Variants in TNKS observed in about 807,000 individuals in gnomAD.
TNKS encodes the protein poly [ADP-ribose] polymerase tankyrase-1.
In TNKS, 72 loss-of-function variants were observed where a neutral mutation model predicts 135.8. The ratio of observed to expected loss-of-function variants is 0.53; its 90% CI spans 0.44 to 0.64. The LOEUF is 0.64. TNKS is among the 30% of genes least tolerant of loss of function. The pLI is 0.00. For synonymous variants in TNKS, 849 were observed against 649.3 expected, an observed-to-expected ratio of 1.31 and a Z score of -4.68; for missense variants, 1,769 against 1,674.0, an observed-to-expected ratio of 1.06 and a Z score of -0.99.
At chr8:9,701,217 G>A (rs1175020892) in intron 5 of TNKS, among the ~76,000 whole-genome samples, 17 of 152,284 alleles carry the variant, frequency 1.1e-4, no homozygotes, top group African/African-American at 4.1e-4. Context: ...GATTACAGGC[G>A]TGAGCCACCA....
At chr8:9,733,148 G>T in intron 14 of TNKS, 131 bp from the exon 15 acceptor site, 1 of 633,146 alleles carries the variant, frequency 1.6e-6, no homozygotes, top group South Asian at 3.9e-5. Flanking sequence ...AAGAACAGAG[G>T]TGGGTGTATT....
intron 2 of TNKS, among the ~76,000 whole-genome samples, chr8:9,592,003 C>G (rs1400619385): frequency 6.6e-6 from 1 of 152,166 alleles, no homozygotes; most frequent in Non-Finnish European, 1.5e-5. Flanking sequence ...AAAGAATCAG[C>G]TATTTCATGT....
chr8:9,610,071 G>T (rs182281074), intron 2 of TNKS, among the ~76,000 whole-genome samples: 6 of 152,050 alleles, frequency 3.9e-5, no homozygotes, highest in Admixed American at 2.6e-4. Context: ...GTTAGCCAGG[G>T]TGGTCTTGAT....
intron 26 of TNKS, among the ~76,000 whole-genome samples, chr8:9,771,448 A>C: frequency 1.2e-5 from 1 of 81,872 alleles, no homozygotes; most frequent in East Asian, 4.1e-4. Flanking sequence ...GGAAAGGAAA[A>C]GAGAGAGAAG....
intron 3 of TNKS, among the ~76,000 whole-genome samples, chr8:9,616,151 C>G (rs139765672): frequency 1.8e-3 from 267 of 152,262 alleles, no homozygotes; most frequent in African/African-American, 5.8e-3. Flanking sequence ...TATGTTTTCA[C>G]TTTTACCATG....
intron 2 of TNKS, among the ~76,000 whole-genome samples, chr8:9,596,342 A>C (rs1003472350): frequency 1.1e-4 from 17 of 151,768 alleles, no homozygotes; most frequent in African/African-American, 4.1e-4. Flanking sequence ...AGGTAGGTCC[A>C]TATTTGAGAT....
chr8:9,761,370 A>G (rs1431931855), intron 20 of TNKS, 146 bp from the exon 21 acceptor site: 1 of 804,220 alleles, frequency 1.2e-6, no homozygotes, highest in Admixed American at 3.4e-5. Context: ...GACAACTTTA[A>G]AAAAATTGTA....
intron 3 of TNKS, among the ~76,000 whole-genome samples, chr8:9,666,401 AAG>A (rs1374796220): frequency 2.6e-5 from 4 of 152,232 alleles, no homozygotes; most frequent in African/African-American, 9.6e-5. Context: ...TGCAAAGGAA[AAG>A]AGAGAAATAA....
chr8:9,717,796 G>A (rs1321261803), intron 11 of TNKS, among the ~76,000 whole-genome samples: 2 of 152,118 alleles, frequency 1.3e-5, no homozygotes, highest in Admixed American at 1.3e-4. Context: ...TATATAATAA[G>A]AGAAGTATAG....
At chr8:9,773,295 ACATATT>A (rs1169425945) in intron 26 of TNKS, among the ~76,000 whole-genome samples, 1 of 151,920 alleles carries the variant, frequency 6.6e-6, no homozygotes, top group African/African-American at 2.4e-5. Context: ...TGTTAAATAA[ACATATT>A]CATATGTCTG....
chr8:9,660,992 A>G (rs1226248079), intron 3 of TNKS, among the ~76,000 whole-genome samples: 1 of 147,960 alleles, frequency 6.8e-6, no homozygotes, highest in Non-Finnish European at 1.5e-5. Context: ...AGTTGCTTCA[A>G]AAAGAATAAA....
chr8:9,653,563 C>T (rs754305938), intron 3 of TNKS, among the ~76,000 whole-genome samples: 4 of 151,834 alleles, frequency 2.6e-5, no homozygotes, highest in Admixed American at 6.6e-5. Context: ...GCATGAGAGG[C>T]AACCACACTT....
At chr8:9,565,620 G>C (rs779052160) in intron 1 of TNKS, among the ~76,000 whole-genome samples, 1 of 152,106 alleles carries the variant, frequency 6.6e-6, no homozygotes, top group Non-Finnish European at 1.5e-5. Flanking sequence ...CAGCACTTTG[G>C]GAGGGCGGAT....
chr8:9,639,684 A>G (rs1046093997), intron 3 of TNKS, among the ~76,000 whole-genome samples: 2 of 152,100 alleles, frequency 1.3e-5, no homozygotes, highest in African/African-American at 2.4e-5. Context: ...AATTTTAACT[A>G]CTGAGGCTAT....
At chr8:9,584,859 G>A (rs1031803771) in intron 2 of TNKS, among the ~76,000 whole-genome samples, 5 of 152,138 alleles carry the variant, frequency 3.3e-5, no homozygotes, top group South Asian at 2.1e-4. Flanking sequence ...GCTTGCTGGC[G>A]TCCACAGCAA....
At chr8:9,758,222 T>G (rs1419032672) in intron 20 of TNKS, among the ~76,000 whole-genome samples, 1 of 152,182 alleles carries the variant, frequency 6.6e-6, no homozygotes, top group Non-Finnish European at 1.5e-5. Flanking sequence ...CAACAAATAT[T>G]GTGTGGATGG....
At position 9,556,374 on chromosome 8, in the gene TNKS, C is replaced by A. The variant is rs750784534; in HGVS notation, c.435C>A (p.Ser145=). 1.4e-5 allele frequency: 23 copies of A among 1,614,108 alleles called. No individual in the cohort carries two copies. The highest frequency in any genetic ancestry group is 5.0e-5 in the Admixed American group (3 of 60,008). Residue 145 remains serine (S), a synonymous_variant, in exon 1 of 27, where the codon TCC becomes TCA. Transcript: ENST00000310430. Reference sequence around the variant, plus strand: ...CTTCCTCATCTTCCTCTCCATCCTCCCCTGGATCGAGCTTGGCGGAGAGCC... The same window carrying A: ...CTTCCTCATCTTCCTCTCCATCCTCACCTGGATCGAGCTTGGCGGAGAGCC... ...PTSSSSSSPS[S]PGSSLAESPE...
At chr8:9,771,139 G>GGA (rs141103583) in intron 26 of TNKS, among the ~76,000 whole-genome samples, 11 of 147,726 alleles carry the variant, frequency 7.4e-5, no homozygotes, top group South Asian at 2.2e-4. Flanking sequence ...AGGGAGGGAA[G>GGA]GAGAGAGAGA....
chr8:9,574,941 C>G (rs1797888510), intron 1 of TNKS: 1 of 693,228 alleles, frequency 1.4e-6, no homozygotes, highest in Non-Finnish European at 1.8e-6. Context: ...ATATAGCACT[C>G]TTGTGACTGT....
Sources: gnomAD v4.1 joint callset for allele counts (sites outside exome capture counted in the v4.1 genomes callset) on GRCh38, gnomAD v4.1.1 for gene constraint, MANE v1.5 for transcripts, NCBI Gene and HGNC (gene_info 2026-07-23, HGNC 2026-07-21) for gene names.